PCDHGA10: variants seen among roughly 807,000 people sequenced by gnomAD.
PCDHGA10 encodes protocadherin gamma subfamily A, 10.
Under a neutral mutation model 59.5 loss-of-function variants are expected in PCDHGA10, and 42 were observed. That is an observed-to-expected ratio of 0.71 (90% CI 0.55 to 0.91). The LOEUF (loss-of-function observed/expected upper bound fraction) is 0.91. Among genes scored for constraint, PCDHGA10 ranks in the 40% least tolerant of loss-of-function variants. The pLI, the probability that PCDHGA10 is intolerant of heterozygous loss-of-function variation, is 0.00. For missense variants in PCDHGA10, 1,111 were observed against 1,198.2 expected (o/e 0.93, Z 1.07); for synonymous variants, 511 against 517.2 (o/e 0.99, Z 0.16).
intron 1 of PCDHGA10, among the ~76,000 whole-genome samples, chr5:141,456,668 T>G (rs2098874996): frequency 1.3e-5 from 2 of 152,254 alleles, no homozygotes; most frequent in Admixed American, 6.5e-5. Context: ...ATGTTTCATT[T>G]AAAAATGCAT....
chr5:141,455,104 G>T (rs2098813087), intron 1 of PCDHGA10, among the ~76,000 whole-genome samples: 1 of 151,780 alleles, frequency 6.6e-6, no homozygotes, highest in Non-Finnish European at 1.5e-5. Flanking sequence ...GAGCCACTGC[G>T]CCCGGTGGGT....
At chr5:141,470,001 C>T (rs753591964) in intron 1 of PCDHGA10, among the ~76,000 whole-genome samples, 6 of 152,006 alleles carry the variant, frequency 3.9e-5, no homozygotes, top group Admixed American at 1.3e-4. Context: ...CGTCGTGGCA[C>T]GCCTGTAATC....
intron 2 of PCDHGA10, among the ~76,000 whole-genome samples, chr5:141,498,971 G>GGGAAGGAA (rs201769957): frequency 0.022 from 2,449 of 111,032 alleles, 52 homozygotes; most frequent in African/African-American, 0.046. Flanking sequence ...GAGGGAGGGA[G>GGGAAGGAA]GGAAGGAAGG....
In PCDHGA10 at chr5:141,511,281, G is replaced by A; in HGVS notation, c.*108G>A. The A allele has an allele frequency of 2.0e-6, 3 of 1,531,280 alleles. No homozygotes were observed. Among genetic ancestry groups the A allele is most frequent in the Non-Finnish European group, 2.6e-6 (3 of 1,137,132 alleles). 94.9% of individuals were successfully genotyped at this position (1,531,280 alleles called of 1,614,324 possible). ...TTCAGGGCTAACCCCCAGAATACTG[G>A]TAGGGGCCAAGGCCATGCTCCCCTT... On this transcript the variant is annotated 3_prime_UTR_variant, in exon 4 of 4. Transcript: ENST00000398610.
At chr5:141,460,502 G>A (rs1300155108) in intron 1 of PCDHGA10, among the ~76,000 whole-genome samples, 1 of 152,094 alleles carries the variant, frequency 6.6e-6, no homozygotes, top group Non-Finnish European at 1.5e-5. Flanking sequence ...AAAATATGCT[G>A]AGAAGGCTAT....
intron 1 of PCDHGA10, chr5:141,423,454 G>C (rs1323921797): frequency 1.9e-6 from 3 of 1,614,030 alleles, no homozygotes; most frequent in Non-Finnish European, 2.5e-6. Context: ...ACATTTTGTA[G>C]GCGTGGACGG....
At chr5:141,428,223 A>G in intron 1 of PCDHGA10, 1 of 1,169,680 alleles carries the variant, frequency 8.5e-7, no homozygotes. Context: ...TAGTCTTCGC[A>G]GACAGCCTGC....
At chr5:141,421,892 T>C in intron 1 of PCDHGA10, 1 of 1,613,684 alleles carries the variant, frequency 6.2e-7, no homozygotes, top group Non-Finnish European at 8.5e-7. Context: ...GGCGATCCCA[T>C]CCGAAAGGGC....
Position 141,485,738 on chromosome 5 carries a change from A to G in PCDHGA10, c.2437-9069A>G, listed in dbSNP as rs1443978038. Reference sequence around the variant, plus strand: ...GGATGTGAAGAAGCGCAGCGACGGCAGCCTGGTCCCAGAGCTGCTCCTGGA... The same window carrying G: ...GGATGTGAAGAAGCGCAGCGACGGCGGCCTGGTCCCAGAGCTGCTCCTGGA... On this transcript the variant is annotated intron_variant, in intron 1 of 3. Transcript: ENST00000398610. This position sits in a 1 kb window ranked among gnomAD's most constrained non-coding sequence, Gnocchi z 5.7. 1 of 1,614,230 alleles carries G rather than the reference A, an allele frequency of 6.2e-7. No individual in the cohort carries two copies.
chr5:141,438,037 G>A (rs2097925203), intron 1 of PCDHGA10, among the ~76,000 whole-genome samples: 1 of 151,910 alleles, frequency 6.6e-6, no homozygotes, highest in African/African-American at 2.4e-5. Flanking sequence ...CACCATGCCC[G>A]ACCACTTTGA....
rs1389786201 is a variant in PCDHGA10, at chr5:141,486,949, G to A, written c.2437-7858G>A. 4 of 1,614,224 alleles carry A rather than the reference G, an allele frequency of 2.5e-6. No individual in the cohort carries two copies. Among genetic ancestry groups the A allele is most frequent in the African/African-American group, 2.7e-5 (2 of 75,064 alleles). ...TTGGTGCTGGCCACCTAATCACAAA[G>A]GTGACTGCTGTGGACTTGGATTCAG... On this transcript the variant is annotated intron_variant, in intron 1 of 3. Coordinates refer to ENST00000398610, the MANE Select transcript of PCDHGA10 (RefSeq NM_018913.3). The surrounding 1 kb of genome is among the most constrained non-coding windows in gnomAD (Gnocchi z 5.0).
In PCDHGA10 at chr5:141,510,989, C is replaced by A. The variant is rs2099883548; in HGVS notation, c.2627C>A (p.Thr876Asn). The A allele has an allele frequency of 1.2e-6, 2 of 1,614,198 alleles. No homozygotes were observed. The highest frequency in any genetic ancestry group is 1.7e-6 in the Non-Finnish European group (2 of 1,180,022). ...TCCACCCTGGGAGGGGGTGCCGGCA[C>A]CATGGGATTGAGCGCCCGCTACGGA... is the stretch of plus-strand genomic sequence containing the variant. ...GSSTLGGGAG[T>N]MGLSARYGPQ... Residue 876 changes from threonine to asparagine, a missense_variant, in exon 4 of 4, where the codon ACC becomes AAC. Thr to Asn is a moderately conservative substitution (Grantham distance 65, BLOSUM62 0). Transcript: ENST00000398610.
chr5:141,498,827 G>C (rs2099786072), intron 2 of PCDHGA10, among the ~76,000 whole-genome samples: 1 of 152,102 alleles, frequency 6.6e-6, no homozygotes, highest in Non-Finnish European at 1.5e-5. Context: ...CAGCTACTCA[G>C]GAGGCTGAGG....
chr5:141,441,195 A>C (rs1160365905), intron 1 of PCDHGA10: 1 of 152,224 alleles, frequency 6.6e-6, no homozygotes, highest in Non-Finnish European at 1.5e-5. Context: ...TGATTCCCAA[A>C]GATTCTGCAC....
At position 141,414,472 on chromosome 5, in the gene PCDHGA10, A is replaced by G. The variant is rs1039987036; in HGVS notation, c.1297A>G (p.Ser433Gly). 6.2e-7 allele frequency: 1 copy of G among 1,613,914 alleles called. No homozygotes were observed. The highest frequency in any genetic ancestry group is 1.3e-5 in the African/African-American group (1 of 75,052). Residue 433 changes from serine (S) to glycine (G), a missense_variant, in exon 1 of 4, where the codon AGT becomes GGT. Coordinates refer to ENST00000398610, the MANE Select transcript of PCDHGA10 (RefSeq NM_018913.3). ...NITVTATDGGSPPLSTEAHFM... is the reference protein window; with the variant it reads ...NITVTATDGGGPPLSTEAHFM... The stretch of plus-strand genomic sequence containing the variant: ...CACAGTGACAGCCACAGATGGGGGA[A>G]GTCCTCCTCTATCAACGGAAGCTCA...
At position 141,512,091 on chromosome 5, in the gene PCDHGA10, A is replaced by C. The variant is rs1329025049; in HGVS notation, c.*918A>C. On this transcript the variant is annotated 3_prime_UTR_variant, in exon 4 of 4. Transcript: ENST00000398610. The stretch of plus-strand genomic sequence containing the variant: ...TCCAGATTCCAGCCATAAACCAATA[A>C]CTAGGCTGGACCCTTCCCACTACAT... 1 of 152,656 alleles carries C rather than the reference A, an allele frequency of 6.6e-6. No homozygotes were observed. The highest frequency in any genetic ancestry group is 2.4e-5 in the African/African-American group (1 of 41,456). 9.5% of individuals were successfully genotyped at this position (152,656 alleles called of 1,614,324 possible). A position where few individuals can be genotyped will look rare whatever the true frequency, so the allele number is the denominator to read the frequency against.
intron 1 of PCDHGA10, among the ~76,000 whole-genome samples, chr5:141,450,888 G>A (rs1038570371): frequency 6.9e-5 from 10 of 145,278 alleles, no homozygotes; most frequent in Admixed American, 4.1e-4. Context: ...GCAGTGGTGC[G>A]ATATCGGCTC....
rs762687404 is a variant in PCDHGA10 at position 141,486,468 on chromosome 5, A to G, written c.2437-8339A>G. Reference sequence around the variant, plus strand: ...ATGGTCACTGCTTCTGATGCTGGGAACCCTCCTCTCAGTACCCACAGAACT... The same window carrying G: ...ATGGTCACTGCTTCTGATGCTGGGAGCCCTCCTCTCAGTACCCACAGAACT... On this transcript the variant is annotated intron_variant, in intron 1 of 3. Transcript: ENST00000398610. This position sits in a 1 kb window ranked among gnomAD's most constrained non-coding sequence, Gnocchi z 5.0. The G allele has an allele frequency of 1.2e-6, 2 of 1,612,906 alleles. No individual in the cohort carries two copies. Among genetic ancestry groups the G allele is most frequent in the Middle Eastern group, 1.6e-4 (1 of 6,062 alleles).
rs1406362621 is a variant in PCDHGA10, at chr5:141,477,099, G to A, written c.2437-17708G>A. On this transcript the variant is annotated intron_variant, in intron 1 of 3. Transcript: ENST00000398610. This position sits in a 1 kb window ranked among gnomAD's most constrained non-coding sequence, Gnocchi z 4.9. ...ATTTACATCCAGGCCAAAGACAAGG[G>A]CGCCAATCCCGAAGGAGCACATTGC... The A allele has an allele frequency of 6.2e-7, 1 of 1,614,256 alleles. No individual in the cohort carries two copies. Among genetic ancestry groups the A allele is most frequent in the Non-Finnish European group, 8.5e-7 (1 of 1,180,054 alleles).
Sources: allele counts gnomAD v4.1 joint callset (sites outside exome capture counted in the v4.1 genomes callset), GRCh38; gene constraint gnomAD v4.1.1; non-coding constraint Gnocchi (gnomAD v3.1); transcripts MANE v1.5; gene names NCBI Gene and HGNC (gene_info 2026-07-23, HGNC 2026-07-21).